PDE6A: variants seen among roughly 807,000 people sequenced by gnomAD.
The protein encoded by PDE6A is phosphodiesterase 6A.
A neutral mutation model predicts 106.3 loss-of-function variants in PDE6A; 84 were observed. The observed-to-expected ratio is 0.79, with a 90% confidence interval of 0.66 to 0.95. The LOEUF (loss-of-function observed/expected upper bound fraction) is 0.95. Among genes scored for constraint, PDE6A ranks in the 40% least tolerant of loss-of-function variants. The pLI is 0.00. For missense variants in PDE6A, 1,052 were observed against 1,084.9 expected (o/e 0.97, Z 0.43); for synonymous variants, 394 against 386.6 (o/e 1.02, Z -0.23).
intron 17 of PDE6A, among the ~76,000 whole-genome samples, chr5:149,877,550 C>T (rs1392425060): frequency 6.6e-6 from 1 of 152,134 alleles, no homozygotes; most frequent in Non-Finnish European, 1.5e-5. Context: ...GCTGGGATTA[C>T]AGGCACGCAC....
chr5:149,888,158 A>G (rs192149631), intron 13 of PDE6A, among the ~76,000 whole-genome samples: 43 of 152,298 alleles, frequency 2.8e-4, no homozygotes, highest in African/African-American at 9.4e-4. Context: ...AAAAGATCTA[A>G]GAGGATAGAG....
At chr5:149,875,485 C>CTTTTT (rs1438091330) in intron 17 of PDE6A, among the ~76,000 whole-genome samples, 1 of 148,204 alleles carries the variant, frequency 6.7e-6, no homozygotes, top group Admixed American at 6.8e-5. Context: ...TACATACTGA[C>CTTTTT]TATTTTTTTT....
intron 6 of PDE6A, among the ~76,000 whole-genome samples, chr5:149,912,609 C>T (rs1753421482): frequency 6.6e-6 from 1 of 152,180 alleles, no homozygotes; most frequent in East Asian, 1.9e-4. Flanking sequence ...TTGCAAGGTT[C>T]AAAATGGCAG....
intron 2 of PDE6A, among the ~76,000 whole-genome samples, chr5:149,934,346 C>G (rs1398104405): frequency 6.6e-6 from 1 of 152,244 alleles, no homozygotes; most frequent in Non-Finnish European, 1.5e-5. Flanking sequence ...AAAAGGCAAA[C>G]AGCTATTGGC....
intron 4 of PDE6A, among the ~76,000 whole-genome samples, chr5:149,926,351 G>A (rs960194375): frequency 2.6e-5 from 4 of 152,188 alleles, no homozygotes; most frequent in African/African-American, 9.6e-5. Context: ...ATAAAGGTAT[G>A]ATAGGGAAGG....
At chr5:149,882,838 A>G (rs1760977509) in intron 17 of PDE6A, among the ~76,000 whole-genome samples, 1 of 150,672 alleles carries the variant, frequency 6.6e-6, no homozygotes. Flanking sequence ...TGGGTGTATC[A>G]CTTGAGGTCA....
chr5:149,904,240 C>G (rs1165772788), intron 7 of PDE6A, among the ~76,000 whole-genome samples: 1 of 152,184 alleles, frequency 6.6e-6, no homozygotes, highest in Non-Finnish European at 1.5e-5. Flanking sequence ...GAGTGAGACC[C>G]TGTCTCAAAA....
rs1181211292 is a variant in PDE6A at position 149,896,708 on chromosome 5, C to T, written c.1473+3G>A. ...GGGCTCGTGCTGCCCCGGTTCAGCT[C>T]ACCAGGATCTCAGCCAGCTCCTCTT... On this transcript the variant is annotated splice_donor_region_variant and intron_variant, in intron 11 of 21. Transcript: ENST00000255266. 3 of 1,614,016 alleles carry T rather than the reference C, an allele frequency of 1.9e-6. No homozygotes were observed. Among genetic ancestry groups the T allele is most frequent in the Non-Finnish European group, 2.5e-6 (3 of 1,180,030 alleles).
At chr5:149,910,512 A>T (rs1240409926) in intron 6 of PDE6A, among the ~76,000 whole-genome samples, 1 of 150,908 alleles carries the variant, frequency 6.6e-6, no homozygotes, top group Non-Finnish European at 1.5e-5. Flanking sequence ...ATCATATCTC[A>T]CACTTTTTTC....
intron 5 of PDE6A, among the ~76,000 whole-genome samples, chr5:149,920,499 T>G (rs373197661): frequency 2.6e-5 from 4 of 152,202 alleles, no homozygotes; most frequent in African/African-American, 9.6e-5. Flanking sequence ...GAGAATCACT[T>G]GAATCGGGAG....
intron 6 of PDE6A, among the ~76,000 whole-genome samples, chr5:149,911,442 A>G (rs1289950826): frequency 1.3e-5 from 2 of 152,210 alleles, no homozygotes; most frequent in Non-Finnish European, 2.9e-5. Flanking sequence ...GCCCAATTCT[A>G]GAATCTCAAA....
At chr5:149,903,116 T>TCCAG (rs1306653447) in intron 8 of PDE6A, among the ~76,000 whole-genome samples, 2 of 117,254 alleles carry the variant, frequency 1.7e-5, no homozygotes, top group African/African-American at 6.6e-5. Flanking sequence ...ACCACTACAC[T>TCCAG]CCAGCCTGGG....
At chr5:149,942,386 C>T (rs1754349263) in intron 1 of PDE6A, among the ~76,000 whole-genome samples, 1 of 152,140 alleles carries the variant, frequency 6.6e-6, no homozygotes, top group Admixed American at 6.5e-5. Context: ...CCCTTTCTGA[C>T]CTGGGCTGGT....
In PDE6A at chr5:149,934,775, C is replaced by T. The variant is rs144231035; in HGVS notation, c.475-57G>A. 3.5e-5 allele frequency: 55 copies of T among 1,561,618 alleles called. 2 individuals are homozygous for T. The highest frequency in any genetic ancestry group is 2.2e-4 in the Middle Eastern group (1 of 4,572). On this transcript the variant is annotated intron_variant, in intron 1 of 21. Coordinates refer to ENST00000255266, the MANE Select transcript of PDE6A (RefSeq NM_000440.3). Reference sequence around the variant, plus strand: ...CAAATGAAGAGCAAGAACAGTGGAACGGCCCAAAGCCCCTGTTGACAAGGG... The same window carrying T: ...CAAATGAAGAGCAAGAACAGTGGAATGGCCCAAAGCCCCTGTTGACAAGGG...
chr5:149,907,362 G>A lies in PDE6A; in HGVS notation c.1015C>T (p.His339Tyr), dbSNP rs141142265. The A allele has an allele frequency of 4.3e-6, 7 of 1,613,840 alleles. No homozygotes were observed. Among genetic ancestry groups the A allele is most frequent in the Admixed American group, 3.3e-5 (2 of 59,998 alleles). The change falls in exon 7 of 22, where the codon CAT (histidine) becomes TAT (tyrosine). Residue 339 changes from histidine (H) to tyrosine (Y), a missense_variant. His to Tyr is a moderately conservative substitution (Grantham distance 83, BLOSUM62 2). This residue lies in a region of PDE6A where 913 missense variants were observed against 915.2 expected (regional missense o/e 1.00). Transcript: ENST00000255266. ...GGGAGACCGCTTACTAAAGCCCAAT[G>A]GTCAGGAGGTGGATTCCTGTGAAGG... ...IKVIPNPPPD[H>Y]WALVSGLPAY...
chr5:149,921,265 C>A (rs1187226412), intron 5 of PDE6A, among the ~76,000 whole-genome samples: 1 of 151,542 alleles, frequency 6.6e-6, no homozygotes, highest in East Asian at 1.9e-4. Context: ...ATATTAAACA[C>A]TTAGCTTCTT....
chr5:149,896,056 C>T (rs763822327), intron 12 of PDE6A, among the ~76,000 whole-genome samples: 2 of 152,144 alleles, frequency 1.3e-5, no homozygotes, highest in Non-Finnish European at 2.9e-5. Flanking sequence ...CATTTTCTGC[C>T]CTCATTTAAC....
intron 21 of PDE6A, among the ~76,000 whole-genome samples, chr5:149,862,694 G>A (rs905016209): frequency 2.0e-5 from 3 of 152,204 alleles, no homozygotes; most frequent in African/African-American, 7.2e-5. Flanking sequence ...GGAGGTAGAG[G>A]TTGCAGTGAG....
At chr5:149,915,673 C>T (rs1418755782) in intron 5 of PDE6A, among the ~76,000 whole-genome samples, 1 of 152,094 alleles carries the variant, frequency 6.6e-6, no homozygotes, top group Non-Finnish European at 1.5e-5. Flanking sequence ...TGATTGTGTG[C>T]AAGTTGATCA....
Sources: gnomAD v4.1 joint callset for allele counts (sites outside exome capture counted in the v4.1 genomes callset) on GRCh38, gnomAD v4.1.1 for gene constraint, gnomAD v4.1.1 regional missense constraint, MANE v1.5 for transcripts, NCBI Gene and HGNC (gene_info 2026-07-23, HGNC 2026-07-21) for gene names.